The following APBA1 variants were observed in gnomAD, a reference collection of about 807,000 sequenced individuals.
The protein encoded by APBA1 is amyloid-beta A4 precursor protein-binding family A member 1.
In APBA1, 55 loss-of-function variants were observed where a neutral mutation model predicts 86.6. That is an observed-to-expected ratio of 0.64 (90% confidence interval 0.51 to 0.80). APBA1 has a LOEUF of 0.80. Among genes scored for constraint, APBA1 ranks in the 30% least tolerant of loss-of-function variants. APBA1 has a pLI of 0.00. For missense variants in APBA1, 1,090 were observed against 1,183.0 expected, an observed-to-expected ratio of 0.92 and a Z score of 1.15; for synonymous variants, 511 against 493.9, an observed-to-expected ratio of 1.03 and a Z score of -0.46.
intron 1 of APBA1, among the ~76,000 whole-genome samples, chr9:69,575,838 A>G (rs1002361887): frequency 2.0e-5 from 3 of 152,212 alleles, no homozygotes; most frequent in African/African-American, 7.2e-5. Flanking sequence ...AATGGCAACA[A>G]AAGCCAAAAT....
intron 1 of APBA1, among the ~76,000 whole-genome samples, chr9:69,523,236 C>G (rs2133897529): frequency 6.6e-6 from 1 of 151,952 alleles, no homozygotes; most frequent in Admixed American, 6.6e-5. Flanking sequence ...TTTCCTTAAG[C>G]AATCATTGAT....
intron 1 of APBA1, among the ~76,000 whole-genome samples, chr9:69,606,446 A>AAACAAGGT (rs564096557): frequency 6.1e-4 from 92 of 150,424 alleles, no homozygotes; most frequent in African/African-American, 2.2e-3. Flanking sequence ...CAGAGAAGTT[A>AAACAAGGT]AACAAGGTTG....
rs774287316 is a variant in APBA1 at position 69,456,256 on chromosome 9, C to A, written c.1779G>T (p.Glu593Asp). The A allele has an allele frequency of 6.2e-7, 1 of 1,614,214 alleles. No individual in the cohort carries two copies. The highest frequency in any genetic ancestry group is 8.5e-7 in the Non-Finnish European group (1 of 1,180,040). The stretch of plus-strand genomic sequence containing the variant: ...AGGAAGCAACCCTTACATCCTCAGA[C>A]TCGAAGACGTGGCAGATCATCTTGT... ...RQYKMICHVF[E>D]SEDAQLIAQS... Residue 593 changes from glutamate to aspartate, a missense_variant, in exon 8 of 13, where the codon GAG (glutamate) becomes GAT (aspartate). Coordinates refer to ENST00000265381, the MANE Select transcript of APBA1 (RefSeq NM_001163.4).
At chr9:69,548,951 T>C (rs1030301465) in intron 1 of APBA1, among the ~76,000 whole-genome samples, 1 of 152,198 alleles carries the variant, frequency 6.6e-6, no homozygotes, top group African/African-American at 2.4e-5. Flanking sequence ...GCTGAAGCCC[T>C]GAAATGCCCG....
chr9:69,431,893 G>A (rs997360844), intron 12 of APBA1, among the ~76,000 whole-genome samples: 3 of 152,126 alleles, frequency 2.0e-5, no homozygotes, highest in African/African-American at 4.8e-5. Context: ...TGACAGCAGT[G>A]ATGACTGACA....
At position 69,516,362 on chromosome 9, in the gene APBA1, C is replaced by A. The variant is rs760573578; in HGVS notation, c.849G>T (p.Ser283=). 2.5e-6 allele frequency: 4 copies of A among 1,600,354 alleles called. No individual in the cohort carries two copies. Among genetic ancestry groups the A allele is most frequent in the Middle Eastern group, 1.7e-4 (1 of 6,042 alleles). The change falls in exon 2 of 13, where the codon TCG becomes TCT. Residue 283 remains serine, a synonymous_variant. Coordinates refer to ENST00000265381, the MANE Select transcript of APBA1 (RefSeq NM_001163.4). The surrounding 1 kb of genome is among the most constrained non-coding windows in gnomAD (Gnocchi z 7.3). The stretch of plus-strand genomic sequence containing the variant: ...CCTCGGCTGCCTTGTCGAGGCTCTG[C>A]GAGCTCATGCTCTGCTTCACCTCGG... The part of the protein sequence containing the change: ...IVAEVKQSMS[S]QSLDKAAEDM...
intron 1 of APBA1, among the ~76,000 whole-genome samples, chr9:69,541,975 A>T (rs1222759708): frequency 6.6e-6 from 1 of 152,132 alleles, no homozygotes; most frequent in Non-Finnish European, 1.5e-5. Flanking sequence ...ATCTGAGTTA[A>T]TACCTTTTTT....
intron 1 of APBA1, among the ~76,000 whole-genome samples, chr9:69,544,307 T>C (rs565725305): frequency 1.2e-4 from 19 of 152,318 alleles, no homozygotes; most frequent in African/African-American, 4.3e-4. Flanking sequence ...CAAAGGACCT[T>C]CCCCTGTCAC....
chr9:69,471,576 A>G, intron 4 of APBA1, 80 bp downstream of exon 4: 2 of 1,169,030 alleles, frequency 1.7e-6, no homozygotes, highest in South Asian at 1.2e-5. Context: ...CCATTGTCTT[A>G]TATCTCAGTG....
At chr9:69,543,276 T>TC (rs5898083) in intron 1 of APBA1, among the ~76,000 whole-genome samples, 9 of 145,286 alleles carry the variant, frequency 6.2e-5, no homozygotes, top group Admixed American at 2.0e-4. Flanking sequence ...TGCTGGGATT[T>TC]CCCCCCCCCC....
At chr9:69,653,293 G>T (rs1823544633) in intron 1 of APBA1, among the ~76,000 whole-genome samples, 1 of 152,088 alleles carries the variant, frequency 6.6e-6, no homozygotes, top group Admixed American at 6.6e-5. Context: ...CAACACCAGG[G>T]CACCCAAATA....
intron 1 of APBA1, among the ~76,000 whole-genome samples, chr9:69,628,051 T>C (rs1317075995): frequency 6.6e-6 from 1 of 152,108 alleles, no homozygotes. Context: ...GTCACCCCCA[T>C]AACTACCATA....
At chr9:69,648,204 G>GTGTCCT (rs923781536) in intron 1 of APBA1, among the ~76,000 whole-genome samples, 111 of 152,342 alleles carry the variant, frequency 7.3e-4, no homozygotes, top group African/African-American at 2.6e-3. Flanking sequence ...ACCAAGAGCA[G>GTGTCCT]TGTCCTTGGG....
At chr9:69,452,013 C>A (rs376501899) in intron 9 of APBA1, 109 bp downstream of exon 9, 4 of 1,026,586 alleles carry the variant, frequency 3.9e-6, no homozygotes, top group African/African-American at 1.6e-5. Flanking sequence ...CCTGCCAATA[C>A]GGCACTCCTC....
chr9:69,439,670 A>G (rs1244643866), intron 11 of APBA1, among the ~76,000 whole-genome samples: 1 of 152,066 alleles, frequency 6.6e-6, no homozygotes, highest in African/African-American at 2.4e-5. Flanking sequence ...TGGTTATTCT[A>G]GTTATCCATT....
intron 2 of APBA1, chr9:69,494,656 C>T (rs1443099824): frequency 6.6e-6 from 1 of 152,104 alleles, no homozygotes; most frequent in Non-Finnish European, 1.5e-5. Flanking sequence ...TCATTCATTT[C>T]CACATTTAAG....
At chr9:69,605,939 G>A (rs1016135323) in intron 1 of APBA1, among the ~76,000 whole-genome samples, 2 of 152,142 alleles carry the variant, frequency 1.3e-5, no homozygotes, top group Non-Finnish European at 2.9e-5. Context: ...TTAATGCATG[G>A]AAAATTCTCA....
intron 11 of APBA1, among the ~76,000 whole-genome samples, chr9:69,435,173 T>A (rs1462864282): frequency 6.6e-6 from 1 of 152,082 alleles, no homozygotes; most frequent in African/African-American, 2.4e-5. Flanking sequence ...ATGTGCCACA[T>A]TTTCTTAATC....
At chr9:69,578,640 GA>G (rs1450097282) in intron 1 of APBA1, among the ~76,000 whole-genome samples, 1 of 152,148 alleles carries the variant, frequency 6.6e-6, no homozygotes, top group African/African-American at 2.4e-5. Flanking sequence ...CTATCTTTGG[GA>G]ATGTCATTAT....
Sources: gnomAD v4.1 joint callset for allele counts (sites outside exome capture counted in the v4.1 genomes callset) on GRCh38, gnomAD v4.1.1 for gene constraint, Gnocchi (gnomAD v3.1) non-coding constraint, MANE v1.5 for transcripts, NCBI Gene and HGNC (gene_info 2026-07-23, HGNC 2026-07-21) for gene names.